MS4A6E: variants seen among roughly 807,000 people sequenced by gnomAD.
MS4A6E encodes membrane spanning 4-domains A6E.
MS4A6E carries 8 observed loss-of-function variants against 13.2 expected under a neutral mutation model. The observed-to-expected ratio is 0.60, with a 90% CI of 0.35 to 1.09. The LOEUF is 1.09. MS4A6E is among the 50% of genes least tolerant of loss of function. The probability of loss-of-function intolerance (pLI) is 0.02; values close to 1 mark genes in which losing one functional copy is unlikely to be tolerated. For missense variants in MS4A6E, 177 were observed against 171.1 expected, an observed-to-expected ratio of 1.03 and a Z score of -0.19; for synonymous variants, 72 against 67.6, an observed-to-expected ratio of 1.06 and a Z score of -0.32.
downstream of MS4A6E, among the ~76,000 whole-genome samples, chr11:60,346,256 G>C (rs955290588): frequency 6.6e-6 from 1 of 152,208 alleles, no homozygotes; most frequent in African/African-American, 2.4e-5. Context: ...GCATCTAGCG[G>C]ATGCACCTGA....
chr11:60,344,106 T>C (rs1005856661), downstream of MS4A6E, among the ~76,000 whole-genome samples: 1 of 152,224 alleles, frequency 6.6e-6, no homozygotes, highest in African/African-American at 2.4e-5. Context: ...TTTCTTAATT[T>C]AATAGAAAAT....
At chr11:60,346,916 C>G (rs2085258567) in intron 4 of MS4A6E, among the ~76,000 whole-genome samples, 1 of 152,222 alleles carries the variant, frequency 6.6e-6, no homozygotes, top group Admixed American at 6.5e-5. Context: ...CATGCGAGGT[C>G]AAACACCTGA....
chr11:60,339,207 T>C (rs2085208244), intron 3 of MS4A6E, among the ~76,000 whole-genome samples: 1 of 152,182 alleles, frequency 6.6e-6, no homozygotes. Flanking sequence ...TCCTTGTGAG[T>C]TGGTGTTGGT....
intron 4 of MS4A6E, among the ~76,000 whole-genome samples, chr11:60,347,474 T>C (rs995147690): frequency 2.0e-5 from 3 of 150,776 alleles, no homozygotes; most frequent in African/African-American, 4.9e-5. Flanking sequence ...TATGAGATGC[T>C]TTTTTTTTCA....
intron 1 of MS4A6E, among the ~76,000 whole-genome samples, chr11:60,334,671 GTT>G (rs2085176991): frequency 1.3e-5 from 2 of 152,046 alleles, no homozygotes; most frequent in Admixed American, 1.3e-4. Context: ...CCTGTGATGT[GTT>G]TATTATCTAT....
Position 60,339,940 on chromosome 11 carries a change from G to C in MS4A6E, c.429G>C (p.Trp143Cys). 6.2e-7 allele frequency: 1 copy of C among 1,613,696 alleles called. No homozygotes were observed. Among genetic ancestry groups the C allele is most frequent in the Non-Finnish European group, 8.5e-7 (1 of 1,179,680 alleles). Reference sequence around the variant, plus strand: ...CTGTGCTCACTGCTGTGCTGCAGTGGAAACAGACTGTCTGACTTCCCTGGG... The same window carrying C: ...CTGTGCTCACTGCTGTGCTGCAGTGCAAACAGACTGTCTGACTTCCCTGGG... Reference protein sequence around the residue: ...CLAVLTAVLQWKQTV With the variant: ...CLAVLTAVLQCKQTV The change falls in exon 4 of 5, where the codon TGG (tryptophan) becomes TGC (cysteine). Residue 143 changes from tryptophan (W) to cysteine (C), a missense_variant. Transcript: ENST00000684409.
chr11:60,348,953 A>C (rs920833391), intron 4 of MS4A6E, among the ~76,000 whole-genome samples: 1 of 152,254 alleles, frequency 6.6e-6, no homozygotes, highest in Non-Finnish European at 1.5e-5. Flanking sequence ...TCAGGAGAAG[A>C]ATGGGAGTGA....
At chr11:60,334,712 A>G in intron 1 of MS4A6E, 170 bp from the exon 2 acceptor site, 1 of 672,736 alleles carries the variant, frequency 1.5e-6, no homozygotes. Flanking sequence ...TTATGGAAAA[A>G]TCCTCATGAT....
At chr11:60,346,403 G>A (rs930912139) in intron 4 of MS4A6E, among the ~76,000 whole-genome samples, 2 of 152,168 alleles carry the variant, frequency 1.3e-5, no homozygotes, top group Non-Finnish European at 2.9e-5. Flanking sequence ...GGTTCTCCAA[G>A]GTGCTATCTG....
chr11:60,338,219 T>G (rs566284189), intron 3 of MS4A6E, among the ~76,000 whole-genome samples: 39 of 152,370 alleles, frequency 2.6e-4, no homozygotes, highest in African/African-American at 8.2e-4. Flanking sequence ...AATCTAATTT[T>G]GGAGGCATAA....
At chr11:60,331,263 G>C (rs2085154344) in intron 1 of MS4A6E, among the ~76,000 whole-genome samples, 1 of 151,748 alleles carries the variant, frequency 6.6e-6, no homozygotes, top group African/African-American at 2.4e-5. Context: ...CCAATATATA[G>C]TTCTTATTAC....
downstream of MS4A6E, among the ~76,000 whole-genome samples, chr11:60,345,463 T>C (rs1325517877): frequency 6.6e-6 from 1 of 152,226 alleles, no homozygotes. Context: ...GGCTACTGCA[T>C]ATCCTGACTG....
At chr11:60,330,630 C>G (rs112959386) in intron 1 of MS4A6E, among the ~76,000 whole-genome samples, 1 of 152,070 alleles carries the variant, frequency 6.6e-6, no homozygotes, top group Non-Finnish European at 1.5e-5. Flanking sequence ...TAAGCCACCG[C>G]GCCTGGCCAA....
At chr11:60,346,942 G>A (rs2085258771) in intron 4 of MS4A6E, among the ~76,000 whole-genome samples, 1 of 152,218 alleles carries the variant, frequency 6.6e-6, no homozygotes, top group African/African-American at 2.4e-5. Context: ...AGTTCGGAAA[G>A]CTTCTATATA....
Position 60,339,977 on chromosome 11 carries a change from G to A in MS4A6E, c.*9+13G>A, listed in dbSNP as rs755769803. ...CTGACTTCCCTGGGTGAGTGTGCTG[G>A]CCAGCCTCGCTTAATCTTGCCTAGT... On this transcript the variant is annotated intron_variant, in intron 4 of 4. Transcript: ENST00000684409. 27 of 1,611,646 alleles carry A rather than the reference G, an allele frequency of 1.7e-5. No individual in the cohort carries two copies. The South Asian group carries it at 2.3e-4, about 14-fold the overall frequency.
chr11:60,340,100 G>A, intron 4 of MS4A6E, 136 bp downstream of exon 4: 1 of 1,322,068 alleles, frequency 7.6e-7, no homozygotes. Context: ...TTTAAATGGT[G>A]ATGGAAGACC....
chr11:60,332,020 C>T (rs1372291915), intron 1 of MS4A6E, among the ~76,000 whole-genome samples: 1 of 152,180 alleles, frequency 6.6e-6, no homozygotes, highest in East Asian at 1.9e-4. Flanking sequence ...GTTTTTTCAG[C>T]CACCTAGATT....
At chr11:60,329,603 C>A (rs1177543714) in intron 1 of MS4A6E, among the ~76,000 whole-genome samples, 1 of 152,112 alleles carries the variant, frequency 6.6e-6, no homozygotes, top group Non-Finnish European at 1.5e-5. Context: ...ATTTACACTC[C>A]CACCAACAGT....
downstream of MS4A6E, among the ~76,000 whole-genome samples, chr11:60,342,224 A>C (rs2085232417): frequency 6.7e-6 from 1 of 150,194 alleles, no homozygotes; most frequent in East Asian, 2.0e-4. Context: ...AAAGACAGAA[A>C]AGACAGAATG....
Sources: gnomAD v4.1 joint callset for allele counts (sites outside exome capture counted in the v4.1 genomes callset) on GRCh38, gnomAD v4.1.1 for gene constraint, MANE v1.5 for transcripts, NCBI Gene and HGNC (gene_info 2026-07-23, HGNC 2026-07-21) for gene names.